HLA-DPA1: variants seen among roughly 807,000 people sequenced by gnomAD.
HLA-DPA1 encodes the protein HLA class II histocompatibility antigen, DP alpha 1 chain.
A neutral mutation model predicts 21.5 loss-of-function variants in HLA-DPA1; 20 were observed. The ratio of observed to expected loss-of-function variants is 0.93; its 90% CI spans 0.66 to 1.35. The LOEUF (loss-of-function observed/expected upper bound fraction) is 1.35, where lower values mean the gene tolerates loss of function less well. Ranked by LOEUF, HLA-DPA1 falls within the 40% of genes most tolerant of loss-of-function variation. The probability of loss-of-function intolerance (pLI) is 0.00; values close to 1 mark genes in which losing one functional copy is unlikely to be tolerated. For synonymous variants in HLA-DPA1, 123 were observed against 129.6 expected, an observed-to-expected ratio of 0.95 and a Z score of 0.35; for missense variants, 279 against 323.0, an observed-to-expected ratio of 0.86 and a Z score of 1.05.
In HLA-DPA1 at chr6:33,071,242, G is replaced by GT. The variant is rs201075171; in HGVS notation, c.101-1357dup. On this transcript the variant is annotated intron_variant, in intron 2 of 5. Coordinates refer to ENST00000419277, the Ensembl canonical transcript of HLA-DPA1. ...TCACTGAGAATGACTCCCTGACACA[G>GT]TAAGTGGCCAAGCAAAGAGTGGTAT... Among the ~76,000 whole-genome samples, 537 of 152,138 alleles carry GT rather than the reference G, an allele frequency of 3.5e-3. 2 individuals carry two copies. Among genetic ancestry groups the GT allele is most frequent in the East Asian group, 0.026 (133 of 5,180 alleles).
At chr6:33,079,362 G>T (rs1388779584) in intron 1 of HLA-DPA1, 2 of 189,916 alleles carry the variant, frequency 1.1e-5, no homozygotes, top group African/African-American at 4.8e-5. Context: ...TGTGGGAAAG[G>T]CTGCCAAAAT....
intron 1 of HLA-DPA1, chr6:33,079,655 A>C (rs2856822): frequency 0.35 from 163,739 of 470,766 alleles, 32,898 homozygotes; most frequent in East Asian, 0.69. Context: ...CAACAAAAAA[A>C]ACATGCTGCC....
chr6:33,065,857 T>G (rs1487336543), intron 5 of HLA-DPA1: 1 of 150,804 alleles, frequency 6.6e-6, no homozygotes, highest in African/African-American at 2.5e-5. Flanking sequence ...TTGGCTCATG[T>G]GACAGCATAT....
rs748234153 is a variant in HLA-DPA1 at position 33,073,603 on chromosome 6, C to T, written c.-33G>A. ...GGTCTATAATTGATGACTGTGAGCA[C>T]AGGAACAGTGATGAGGAACTGAGGC... On this transcript the variant is annotated 5_prime_UTR_variant, in exon 2 of 6. It adds an upstream start codon to the 5' untranslated region. Coordinates refer to ENST00000419277, the Ensembl canonical transcript of HLA-DPA1. 8.6e-6 allele frequency: 13 copies of T among 1,516,776 alleles called. No individual in the cohort carries two copies. Among genetic ancestry groups the T allele is most frequent in the Non-Finnish European group, 1.2e-5 (13 of 1,092,698 alleles). The allele number at this position is 1,516,776 out of a possible 1,614,324, so 94.0% of individuals were successfully genotyped here.
chr6:33,069,128 A>G lies in HLA-DPA1; in HGVS notation c.519T>C (p.Asp173=), dbSNP rs138758542. ...GGTAATGGAACTTGTGGAAGCTGTA[A>G]TCTGTTCTGGGCAGGAAGAGGCTCT... The change falls in exon 4 of 6, where the codon GAT becomes GAC. Residue 173 remains aspartate (D), a synonymous_variant. Coordinates refer to ENST00000419277, the Ensembl canonical transcript of HLA-DPA1. 1.6e-4 allele frequency: 253 copies of G among 1,613,034 alleles called. 1 individual carries two copies. The South Asian group carries it at 2.5e-3, about 16-fold the overall frequency.
At chr6:33,078,454 T>A (rs924673239) in intron 1 of HLA-DPA1, among the ~76,000 whole-genome samples, 10 of 152,004 alleles carry the variant, frequency 6.6e-5, no homozygotes, top group African/African-American at 2.4e-4. Context: ...GGCTATAGCT[T>A]AAAGAGGCTG....
intron 2 of HLA-DPA1, among the ~76,000 whole-genome samples, chr6:33,071,419 A>G (rs66977180): frequency 6.6e-6 from 1 of 152,032 alleles, no homozygotes; most frequent in African/African-American, 2.4e-5. Flanking sequence ...CATCTTCTTA[A>G]TACATGAATG....
chr6:33,071,709 G>A (rs549342983), intron 2 of HLA-DPA1, among the ~76,000 whole-genome samples: 1 of 152,274 alleles, frequency 6.6e-6, no homozygotes, highest in South Asian at 2.1e-4. Context: ...AGATACGTAG[G>A]TATACACAAG....
At position 33,080,432 on chromosome 6, in the gene HLA-DPA1, A is replaced by C; in HGVS notation, c.-100+248T>G. 1.4e-6 allele frequency: 1 copy of C among 700,796 alleles called. No homozygotes were observed. The highest frequency in any genetic ancestry group is 2.6e-6 in the Non-Finnish European group (1 of 379,940). 43.4% of individuals were successfully genotyped at this position (700,796 alleles called of 1,614,324 possible). On this transcript the variant is annotated intron_variant, in intron 1 of 5. Coordinates refer to ENST00000419277, the Ensembl canonical transcript of HLA-DPA1. The surrounding 1 kb of genome is among the most constrained non-coding windows in gnomAD (Gnocchi z 4.3). ...CAGTGCTCGCCCCTCCCTAGTGATC[A>C]CTCAGTGCCCCTGAGCTCATTCTTT... is the stretch of plus-strand genomic sequence containing the variant.
chr6:33,066,519 T>TAC (rs1761961261), intron 5 of HLA-DPA1: 1 of 152,040 alleles, frequency 6.6e-6, no homozygotes, highest in Non-Finnish European at 1.5e-5. Context: ...TATCTCAGTA[T>TAC]AGGGAAGACT....
chr6:33,069,908 A>G, intron 2 of HLA-DPA1, 22 bp from the exon 2 acceptor site: 1 of 1,598,292 alleles, frequency 6.3e-7, no homozygotes, highest in South Asian at 1.1e-5. Context: ...CAGTAGAGAA[A>G]AACACGACAA....
At chr6:33,079,949 AC>A (rs1762747866) in intron 1 of HLA-DPA1, 1 of 231,256 alleles carries the variant, frequency 4.3e-6, no homozygotes, top group East Asian at 1.2e-4. Flanking sequence ...AAAGGACTCT[AC>A]CCCCACAGGT....
At chr6:33,078,617 T>G (rs1414261340) in intron 1 of HLA-DPA1, among the ~76,000 whole-genome samples, 1 of 137,012 alleles carries the variant, frequency 7.3e-6, no homozygotes, top group Non-Finnish European at 1.5e-5. Context: ...GGATAAAGTT[T>G]CTTATATACA....
exon 2 of HLA-DPA1, chr6:33,073,494 A>G: frequency 2.5e-6 from 4 of 1,612,576 alleles, no homozygotes; most frequent in Non-Finnish European, 3.4e-6. Context: ...AGCTCCTCGG[A>G]GACTCAGCAG....
intron 1 of HLA-DPA1, among the ~76,000 whole-genome samples, chr6:33,078,672 C>T (rs1222599291): frequency 6.6e-6 from 1 of 152,084 alleles, no homozygotes; most frequent in African/African-American, 2.4e-5. Context: ...CCCCTCATTG[C>T]TTATGTCTAC....
exon 6 of HLA-DPA1, chr6:33,064,830 C>T (rs370030902): frequency 6.6e-6 from 1 of 152,266 alleles, no homozygotes; most frequent in East Asian, 1.9e-4. Flanking sequence ...TCTACCCCAC[C>T]CTATCCTGTA....
rs1268472547 is a variant in HLA-DPA1, at chr6:33,080,209, A to G, written c.-100+471T>C. On this transcript the variant is annotated intron_variant, in intron 1 of 5. Coordinates refer to ENST00000419277, the Ensembl canonical transcript of HLA-DPA1. The surrounding 1 kb of genome is among the most constrained non-coding windows in gnomAD (Gnocchi z 4.3). The stretch of plus-strand genomic sequence containing the variant: ...TAGCTATGGAAAAGAGAAAGAAGGA[A>G]GGGAGGGCTTCCTGGAGGAGGTGGC... 6.6e-6 allele frequency among the ~76,000 whole-genome samples: 1 copy of G among 152,202 alleles called. No individual in the cohort carries two copies. The highest frequency in any genetic ancestry group is 1.9e-4 in the East Asian group (1 of 5,188).
At chr6:33,072,866 G>A (rs1465674313) in intron 2 of HLA-DPA1, among the ~76,000 whole-genome samples, 1 of 152,192 alleles carries the variant, frequency 6.6e-6, no homozygotes, top group African/African-American at 2.4e-5. Context: ...ATGCAACCCT[G>A]CTGTCTTGAG....
intron 1 of HLA-DPA1, among the ~76,000 whole-genome samples, chr6:33,077,228 G>A (rs1436405246): frequency 6.6e-6 from 1 of 151,954 alleles, no homozygotes; most frequent in African/African-American, 2.4e-5. Context: ...CTTCCTCCAT[G>A]TCCCTACAAA....
Sources: allele counts gnomAD v4.1 joint callset (sites outside exome capture counted in the v4.1 genomes callset), GRCh38; gene constraint gnomAD v4.1.1; non-coding constraint Gnocchi (gnomAD v3.1); transcripts MANE v1.5; gene names NCBI Gene and HGNC (gene_info 2026-07-23, HGNC 2026-07-21).